Variants in SOX6 observed in about 807,000 individuals in gnomAD.
SOX6 encodes the protein SRY-box transcription factor 6.
Under a neutral mutation model 97.8 loss-of-function variants are expected in SOX6, and 11 were observed. The ratio of observed to expected loss-of-function variants is 0.11; its 90% CI spans 0.07 to 0.19. The LOEUF (loss-of-function observed/expected upper bound fraction) is 0.19. Among genes scored for constraint, SOX6 ranks in the 10% least tolerant of loss-of-function variants. SOX6 has a pLI of 1.00. For missense variants in SOX6, 810 were observed against 1,039.5 expected (o/e 0.78, Z 3.04); for synonymous variants, 360 against 371.4 (o/e 0.97, Z 0.35).
intron 3 of SOX6, among the ~76,000 whole-genome samples, chr11:16,240,777 T>C (rs1314346898): frequency 6.6e-6 from 1 of 151,944 alleles, no homozygotes; most frequent in African/African-American, 2.4e-5. Flanking sequence ...TAAAGACCAA[T>C]ACCCTCATTT....
rs201395591 is a variant in SOX6 at position 15,972,830 on chromosome 11, C to T, written c.2466G>A (p.Pro822=). ...CTCCTCAGTTGGCACTGACAGCCTC[C>T]GGGGCTTCATTTTCACTGCTATAGT... The part of the protein sequence containing the change: ...KSDYSSENEA[P]EAVSAN Residue 822 remains proline, a synonymous_variant, in exon 16 of 16, where the codon CCG becomes CCA. Transcript: ENST00000683767. 17 of 1,614,162 alleles carry T rather than the reference C, an allele frequency of 1.1e-5. 1 individual carries two copies. The Admixed American group carries it at 1.7e-4, about 16-fold the overall frequency.
chr11:16,511,241 T>C (rs1406448948), intron 4 of SOX6, among the ~76,000 whole-genome samples: 1 of 152,168 alleles, frequency 6.6e-6, no homozygotes, highest in Admixed American at 6.5e-5. Context: ...ATGGATGTAT[T>C]CTATAGATGA....
At chr11:16,441,935 C>A (rs1859511306) in intron 1 of SOX6, among the ~76,000 whole-genome samples, 1 of 152,198 alleles carries the variant, frequency 6.6e-6, no homozygotes, top group Non-Finnish European at 1.5e-5. Context: ...ACTGAGCACT[C>A]CCTTGGGTGC....
At chr11:16,706,160 C>T (rs1848130589) in intron 3 of SOX6, among the ~76,000 whole-genome samples, 1 of 151,660 alleles carries the variant, frequency 6.6e-6, no homozygotes, top group Non-Finnish European at 1.5e-5. Flanking sequence ...TGAGAGGAGG[C>T]TGGGTGCAGT....
intron 6 of SOX6, among the ~76,000 whole-genome samples, chr11:16,147,872 T>C (rs954522167): frequency 1.3e-5 from 2 of 152,166 alleles, no homozygotes; most frequent in South Asian, 4.1e-4. Context: ...ATTTAAAACT[T>C]ACTAATGACT....
At chr11:16,141,745 C>T (rs1489413315) in intron 6 of SOX6, among the ~76,000 whole-genome samples, 1 of 152,160 alleles carries the variant, frequency 6.6e-6, no homozygotes, top group Admixed American at 6.5e-5. Context: ...CCCACGGAAC[C>T]TCACTAATTG....
chr11:16,393,031 C>T (rs1159804905), intron 1 of SOX6, among the ~76,000 whole-genome samples: 2 of 152,034 alleles, frequency 1.3e-5, no homozygotes, highest in Non-Finnish European at 2.9e-5. Flanking sequence ...AAAGCCCATT[C>T]CATTTTTAGT....
intron 7 of SOX6, among the ~76,000 whole-genome samples, chr11:16,107,194 G>C (rs1033370401): frequency 1.3e-5 from 2 of 151,796 alleles, no homozygotes; most frequent in African/African-American, 4.8e-5. Flanking sequence ...TTTCTCAAAA[G>C]TTTAAACATA....
At chr11:16,316,956 G>A (rs943681084) in intron 3 of SOX6, 10 of 151,936 alleles carry the variant, frequency 6.6e-5, no homozygotes, top group African/African-American at 2.4e-4. Context: ...TTCAAATACA[G>A]TCCAGAATTT....
At chr11:16,193,815 G>A (rs1353639213) in intron 4 of SOX6, among the ~76,000 whole-genome samples, 3 of 152,080 alleles carry the variant, frequency 2.0e-5, no homozygotes, top group South Asian at 2.1e-4. Context: ...AATGGATATC[G>A]TTTTAGAAGA....
At chr11:16,501,786 G>A (rs1315150488) in intron 4 of SOX6, among the ~76,000 whole-genome samples, 1 of 152,158 alleles carries the variant, frequency 6.6e-6, no homozygotes, top group Non-Finnish European at 1.5e-5. Context: ...CAGTTAGAAT[G>A]GCAATCATTG....
At chr11:16,433,162 A>T (rs1859302043) in intron 1 of SOX6, among the ~76,000 whole-genome samples, 1 of 152,014 alleles carries the variant, frequency 6.6e-6, no homozygotes, top group African/African-American at 2.4e-5. Context: ...TTATAAAGAG[A>T]GGTAATATTC....
intron 4 of SOX6, among the ~76,000 whole-genome samples, chr11:16,603,808 G>A (rs531038558): frequency 6.6e-6 from 1 of 152,176 alleles, no homozygotes; most frequent in African/African-American, 2.4e-5. Flanking sequence ...AAAATAGGAA[G>A]AGAAGAAAAG....
intron 4 of SOX6, among the ~76,000 whole-genome samples, chr11:16,544,125 T>A (rs1847587769): frequency 6.6e-6 from 1 of 152,182 alleles, no homozygotes; most frequent in Non-Finnish European, 1.5e-5. Context: ...AAAGGCCACA[T>A]ATTGCATGAT....
At chr11:16,041,400 G>A (rs1855659128) in intron 12 of SOX6, among the ~76,000 whole-genome samples, 1 of 152,024 alleles carries the variant, frequency 6.6e-6, no homozygotes, top group South Asian at 2.1e-4. Flanking sequence ...CCAATAAAAG[G>A]GGGCAGTATT....
At chr11:16,307,779 A>G (rs1442856543) in intron 3 of SOX6, among the ~76,000 whole-genome samples, 1 of 152,070 alleles carries the variant, frequency 6.6e-6, no homozygotes, top group African/African-American at 2.4e-5. Context: ...ATAATTCAAT[A>G]TTTTGTCATA....
At chr11:16,670,299 A>C (rs1419901048) in intron 3 of SOX6, among the ~76,000 whole-genome samples, 5 of 151,912 alleles carry the variant, frequency 3.3e-5, no homozygotes, top group Admixed American at 1.3e-4. Context: ...TGGAGAAGAG[A>C]CCAATCTCTC....
chr11:16,210,931 G>A (rs1377301346), intron 4 of SOX6, among the ~76,000 whole-genome samples: 1 of 152,122 alleles, frequency 6.6e-6, no homozygotes, highest in African/African-American at 2.4e-5. Flanking sequence ...TTTTAAGCAA[G>A]ATAGTCAAGG....
chr11:16,134,051 G>C (rs1469940373), intron 6 of SOX6, among the ~76,000 whole-genome samples: 1 of 152,182 alleles, frequency 6.6e-6, no homozygotes, highest in Non-Finnish European at 1.5e-5. Flanking sequence ...AGTAATAAAG[G>C]CTACACTGAT....
Sources: gnomAD v4.1 joint callset for allele counts (sites outside exome capture counted in the v4.1 genomes callset) on GRCh38, gnomAD v4.1.1 for gene constraint, MANE v1.5 for transcripts, NCBI Gene and HGNC (gene_info 2026-07-23, HGNC 2026-07-21) for gene names.